The following GSE1 variants were observed in gnomAD, a reference collection of about 807,000 sequenced individuals.
The protein encoded by GSE1 is Gse1 coiled-coil protein.
In GSE1, 32 loss-of-function variants were observed where a neutral mutation model predicts 112.6. The ratio of observed to expected loss-of-function variants is 0.28; its 90% confidence interval spans 0.21 to 0.38. The LOEUF (loss-of-function observed/expected upper bound fraction) is 0.38, where lower values mean the gene tolerates loss of function less well. Ranked by LOEUF, GSE1 falls within the 10% of genes least tolerant of loss-of-function variation. The pLI is 1.00. For synonymous variants in GSE1, 1,115 were observed against 735.6 expected, an observed-to-expected ratio of 1.52 and a Z score of -8.35; for missense variants, 2,348 against 1,699.2, an observed-to-expected ratio of 1.38 and a Z score of -6.71.
intron 2 of GSE1, among the ~76,000 whole-genome samples, chr16:85,402,613 C>G (rs1002714304): frequency 2.0e-5 from 3 of 152,200 alleles, no homozygotes; most frequent in Non-Finnish European, 4.4e-5. Context: ...TGCCAGTTAC[C>G]TCTGGCTGCC....
chr16:85,513,792 G>A (rs1053009037), intron 2 of GSE1, among the ~76,000 whole-genome samples: 2 of 152,050 alleles, frequency 1.3e-5, no homozygotes, highest in Non-Finnish European at 2.9e-5. Context: ...CACCCCCGGT[G>A]CACACTGCAG....
intron 2 of GSE1, among the ~76,000 whole-genome samples, chr16:85,635,061 A>G (rs2049873882): frequency 6.6e-6 from 1 of 152,170 alleles, no homozygotes; most frequent in Admixed American, 6.5e-5. Context: ...ACAGCAACAC[A>G]TGCAGGAGCC....
chr16:85,577,706 C>T (rs1438430921), intron 1 of GSE1, among the ~76,000 whole-genome samples: 1 of 152,176 alleles, frequency 6.6e-6, no homozygotes, highest in Non-Finnish European at 1.5e-5. Flanking sequence ...GGTGGCCTGG[C>T]TCTACCCTTG....
At chr16:85,638,739 C>T (rs2050206629) in intron 2 of GSE1, among the ~76,000 whole-genome samples, 1 of 151,282 alleles carries the variant, frequency 6.6e-6, no homozygotes, top group Non-Finnish European at 1.5e-5. Flanking sequence ...CGTGCCTCCC[C>T]TACCCCTCCA....
In GSE1 at chr16:85,647,863, G is replaced by C. The variant is rs143760504; in HGVS notation, c.227-689G>C. Among the ~76,000 whole-genome samples the C allele has an allele frequency of 5.0e-3, 757 of 152,300 alleles. 6 individuals carry two copies. Among genetic ancestry groups the C allele is most frequent in the African/African-American group, 0.016 (680 of 41,564 alleles). ...GCCTCCCAAAGTGCTGGGATTACAG[G>C]CGGGAGCCACCGCGCCCGGCCAGTG... On this transcript the variant is annotated intron_variant, in intron 2 of 15. Transcript: ENST00000253458.
At chr16:85,484,284 G>T (rs1166276634) in intron 2 of GSE1, among the ~76,000 whole-genome samples, 1 of 152,222 alleles carries the variant, frequency 6.6e-6, no homozygotes, top group African/African-American at 2.4e-5. Flanking sequence ...CAGGAGAGGG[G>T]TCTGCGCTCA....
intron 14 of GSE1, 41 bp downstream of exon 14, chr16:85,668,465 A>C (rs1411688104): frequency 7.3e-7 from 1 of 1,367,214 alleles, no homozygotes; most frequent in Non-Finnish European, 1.0e-6. Flanking sequence ...GGGTCAGGAA[A>C]GTACCTTTGG....
intron 2 of GSE1, among the ~76,000 whole-genome samples, chr16:85,503,625 C>T (rs537605932): frequency 9.9e-5 from 15 of 152,246 alleles, no homozygotes; most frequent in Admixed American, 9.8e-4. Context: ...TTGCCTTGTA[C>T]CAAGCAGTAT....
At chr16:85,470,315 C>T (rs1156301642) in intron 2 of GSE1, among the ~76,000 whole-genome samples, 1 of 152,192 alleles carries the variant, frequency 6.6e-6, no homozygotes, top group African/African-American at 2.4e-5. Context: ...GGGCTCGGCG[C>T]CCCTCAGTGA....
chr16:85,191,057 G>A lies in GSE1; in HGVS notation c.2283+19250G>A, dbSNP rs890146938. On this transcript the variant is annotated intron_variant, in intron 1 of 2. Coordinates refer to the GSE1 transcript ENST00000637419. ...GTGGATCGCTTTAGGCCATGAGTTC[G>A]ACACCAGCCTGGCCAACATGGTGAA... 4.6e-5 allele frequency among the ~76,000 whole-genome samples: 7 copies of A among 152,172 alleles called. No individual in the cohort carries two copies. The South Asian group carries it at 1.5e-3, about 32-fold the overall frequency.
rs151200363 is a variant in GSE1, at chr16:85,370,794, G to A, written c.2464+13151G>A. 9.1e-4 allele frequency among the ~76,000 whole-genome samples: 138 copies of A among 152,336 alleles called. 3 individuals are homozygous for A. Among genetic ancestry groups the A allele is most frequent in the Middle Eastern group, 6.8e-3 (2 of 294 alleles). ...CGAGCCCATGGGTGTGACCTGGGCG[G>A]GATATCACTCTGTGTGACCACCTTT... On this transcript the variant is annotated intron_variant, in intron 2 of 2. Transcript: ENST00000637419.
intron 1 of GSE1, among the ~76,000 whole-genome samples, chr16:85,200,272 C>T (rs1567606411): frequency 6.6e-6 from 1 of 151,900 alleles, no homozygotes; most frequent in Non-Finnish European, 1.5e-5. Context: ...CTCATAGAAC[C>T]CTTGGATGTT....
chr16:85,645,610 T>A (rs1019917007), intron 2 of GSE1, among the ~76,000 whole-genome samples: 11 of 152,340 alleles, frequency 7.2e-5, no homozygotes, highest in Non-Finnish European at 1.3e-4. Context: ...CCACTTTGGC[T>A]GCCTGAGGCC....
At chr16:85,331,045 C>G (rs76494390) in intron 1 of GSE1, among the ~76,000 whole-genome samples, 2 of 152,046 alleles carry the variant, frequency 1.3e-5, no homozygotes, top group African/African-American at 2.4e-5. Context: ...AGGCTGGGCA[C>G]CTAGCCTCTC....
At chr16:85,235,428 C>CTCTGTGTGTGTGTGTGTG (rs775585078) in intron 1 of GSE1, among the ~76,000 whole-genome samples, 40 of 126,394 alleles carry the variant, frequency 3.2e-4, no homozygotes, top group Middle Eastern at 4.7e-3. Flanking sequence ...TGGAAGGGTA[C>CTCTGTGTGTGTGTGTGTG]TGTGTGTGTG....
upstream of GSE1, among the ~76,000 whole-genome samples, chr16:85,552,328 C>CTTTTTTTTTTTTT (rs1195413161): frequency 6.6e-3 from 315 of 47,752 alleles, 15 homozygotes; most frequent in Non-Finnish European, 9.0e-3. Flanking sequence ...CCCGCCCCTC[C>CTTTTTTTTTTTTT]TTTTTTTTTT....
exon 1 of GSE1, chr16:85,170,014 G>T: frequency 1.0e-6 from 1 of 984,670 alleles, no homozygotes; most frequent in South Asian, 4.7e-5. Context: ...GCTGCGCGGG[G>T]CCGCGGAGGA....
At chr16:85,580,731 G>A (rs1337351825) in intron 1 of GSE1, among the ~76,000 whole-genome samples, 1 of 152,066 alleles carries the variant, frequency 6.6e-6, no homozygotes, top group Non-Finnish European at 1.5e-5. Flanking sequence ...GTTAAGTGAG[G>A]TTCTCAGGGT....
In GSE1 at chr16:85,209,528, C is replaced by G. The variant is rs948937465; in HGVS notation, c.2283+37721C>G. ...ACCCCTCCCACCCTCTCCCCCATCA[C>G]CATCGCTGCCCCACATTAGGGAGAA... On this transcript the variant is annotated intron_variant, in intron 1 of 2. Transcript: ENST00000637419. Among the ~76,000 whole-genome samples, 3 of 152,254 alleles carry G rather than the reference C, an allele frequency of 2.0e-5. No individual in the cohort carries two copies. The East Asian group carries it at 5.8e-4, about 29-fold the overall frequency.
Sources: gnomAD v4.1 joint callset for allele counts (sites outside exome capture counted in the v4.1 genomes callset) on GRCh38, gnomAD v4.1.1 for gene constraint, MANE v1.5 for transcripts, NCBI Gene and HGNC (gene_info 2026-07-23, HGNC 2026-07-21) for gene names.